Variants in CA8 observed in about 807,000 individuals in gnomAD.
CA8 encodes carbonic anhydrase-related protein.
A neutral mutation model predicts 41.4 loss-of-function variants in CA8; 22 were observed. The observed-to-expected ratio is 0.53, with a 90% CI of 0.38 to 0.76. The LOEUF is 0.76. CA8 is among the 30% of genes least tolerant of loss of function. The pLI, the probability that CA8 is intolerant of heterozygous loss-of-function variation, is 0.00. For missense variants in CA8, 270 were observed against 352.8 expected, an observed-to-expected ratio of 0.77 and a Z score of 1.88; for synonymous variants, 121 against 130.6, an observed-to-expected ratio of 0.93 and a Z score of 0.50.
intron 8 of CA8, among the ~76,000 whole-genome samples, chr8:60,193,922 G>A (rs763212138): frequency 3.9e-5 from 6 of 152,256 alleles, no homozygotes; most frequent in African/African-American, 9.6e-5. Context: ...TTACGTGGAC[G>A]ATAGACCTCT....
At chr8:60,261,643 T>G (rs1585919119) in intron 3 of CA8, among the ~76,000 whole-genome samples, 1 of 152,336 alleles carries the variant, frequency 6.6e-6, no homozygotes, top group East Asian at 1.9e-4. Context: ...CTTCCTACAT[T>G]TGGCTATTAA....
chr8:60,275,399 A>T (rs1161347254), intron 2 of CA8, among the ~76,000 whole-genome samples: 1 of 152,204 alleles, frequency 6.6e-6, no homozygotes, highest in Non-Finnish European at 1.5e-5. Flanking sequence ...ATAGAAAAGA[A>T]GCAATATAGA....
intron 8 of CA8, among the ~76,000 whole-genome samples, chr8:60,203,109 G>T (rs552679690): frequency 6.6e-6 from 1 of 152,256 alleles, no homozygotes; most frequent in Non-Finnish European, 1.5e-5. Context: ...TTGGGAAAAA[G>T]ACTTCATGGA....
intron 5 of CA8, among the ~76,000 whole-genome samples, chr8:60,225,995 T>C (rs948317198): frequency 3.3e-5 from 5 of 152,176 alleles, no homozygotes; most frequent in Non-Finnish European, 7.4e-5. Context: ...GGTGGTGGCA[T>C]TGGCTTCCTA....
At chr8:60,245,726 G>T (rs377189373) in intron 3 of CA8, among the ~76,000 whole-genome samples, 1 of 152,254 alleles carries the variant, frequency 6.6e-6, no homozygotes, top group South Asian at 2.1e-4. Context: ...CTTTGATTGA[G>T]GTGGAACTTG....
At chr8:60,279,238 G>A (rs1804333136) in intron 2 of CA8, among the ~76,000 whole-genome samples, 1 of 152,216 alleles carries the variant, frequency 6.6e-6, no homozygotes, top group Non-Finnish European at 1.5e-5. Flanking sequence ...AACTAATACA[G>A]TAGAGAAAAT....
chr8:60,227,823 T>G (rs1005524584), intron 4 of CA8, among the ~76,000 whole-genome samples: 2 of 152,196 alleles, frequency 1.3e-5, no homozygotes, highest in African/African-American at 4.8e-5. Context: ...TCACTATATA[T>G]TATTAGTGTA....
chr8:60,243,775 C>A (rs1277452507), intron 3 of CA8, among the ~76,000 whole-genome samples: 1 of 152,192 alleles, frequency 6.6e-6, no homozygotes, highest in East Asian at 1.9e-4. Flanking sequence ...GTGCCACACT[C>A]TCCTGGTCTC....
chr8:60,265,869 C>T (rs1803885515), intron 3 of CA8, 56 bp downstream of exon 3: 2 of 1,555,734 alleles, frequency 1.3e-6, no homozygotes, highest in Non-Finnish European at 8.9e-7. Flanking sequence ...TTCAGTAAAT[C>T]GCTGAATACT....
intron 7 of CA8, 30 bp downstream of exon 7, chr8:60,222,619 A>G (rs1807290003): frequency 7.5e-7 from 1 of 1,331,858 alleles, no homozygotes; most frequent in African/African-American, 1.4e-5. Context: ...TCAGAACTTC[A>G]CTCTGAAAGA....
rs749721295 is a variant in CA8, at chr8:60,232,276, C to T, written c.513+8G>A. ...TAAACAATACGATAATCACAGCAGA[C>T]CGTTTACCTGAACAAACAGAGCAAT... On this transcript the variant is annotated splice_region_variant and intron_variant, in intron 4 of 8. Coordinates refer to ENST00000317995, the MANE Select transcript of CA8 (RefSeq NM_004056.6). 6.2e-7 allele frequency: 1 copy of T among 1,600,672 alleles called. No homozygotes were observed. The highest frequency in any genetic ancestry group is 1.7e-5 in the Admixed American group (1 of 60,000).
intron 8 of CA8, among the ~76,000 whole-genome samples, chr8:60,200,336 T>C (rs1356815545): frequency 1.3e-5 from 2 of 152,252 alleles, no homozygotes; most frequent in African/African-American, 4.8e-5. Context: ...TTTCCCTTCT[T>C]CGGGAGATGG....
chr8:60,188,034 G>C lies in CA8; in HGVS notation c.*1987C>G, dbSNP rs561764155. 1.6e-4 allele frequency: 25 copies of C among 152,226 alleles called. No individual in the cohort carries two copies. Among genetic ancestry groups the C allele is most frequent in the Non-Finnish European group, 2.9e-4 (20 of 68,030 alleles). 9.4% of individuals were successfully genotyped at this position (152,226 alleles called of 1,614,324 possible). On this transcript the variant is annotated 3_prime_UTR_variant, in exon 9 of 9. Coordinates refer to ENST00000317995, the MANE Select transcript of CA8 (RefSeq NM_004056.6). ...GAGGTAACTAACTGTGGAATTAAAG[G>C]ATTTTCCATATAAAGAATATTATGC... is the stretch of plus-strand genomic sequence containing the variant.
At chr8:60,277,780 A>G (rs1003895106) in intron 2 of CA8, among the ~76,000 whole-genome samples, 4 of 152,248 alleles carry the variant, frequency 2.6e-5, no homozygotes, top group Non-Finnish European at 5.9e-5. Flanking sequence ...AGGGGAAAAA[A>G]CAACTACTCA....
intron 5 of CA8, among the ~76,000 whole-genome samples, chr8:60,226,474 A>T (rs73243994): frequency 6.6e-6 from 1 of 152,152 alleles, no homozygotes; most frequent in Non-Finnish European, 1.5e-5. Flanking sequence ...GCTGCTAGAG[A>T]GTGAGTAGCT....
chr8:60,261,268 C>T (rs964441999), intron 3 of CA8, among the ~76,000 whole-genome samples: 5 of 152,086 alleles, frequency 3.3e-5, no homozygotes, highest in African/African-American at 4.8e-5. Flanking sequence ...TTCTATTTAC[C>T]TAATGCACCC....
intron 8 of CA8, among the ~76,000 whole-genome samples, chr8:60,192,801 T>G (rs1321098582): frequency 6.6e-6 from 1 of 152,168 alleles, no homozygotes; most frequent in African/African-American, 2.4e-5. Flanking sequence ...CCTTAACTCT[T>G]TTAGCTGATT....
At chr8:60,215,328 G>A (rs904591054) in intron 7 of CA8, among the ~76,000 whole-genome samples, 2 of 148,768 alleles carry the variant, frequency 1.3e-5, no homozygotes, top group African/African-American at 4.9e-5. Context: ...TCAATGAGTG[G>A]ATAAAAACAC....
At chr8:60,259,703 G>C (rs986855022) in intron 3 of CA8, among the ~76,000 whole-genome samples, 2 of 150,924 alleles carry the variant, frequency 1.3e-5, no homozygotes, top group African/African-American at 4.9e-5. Flanking sequence ...AAAAATGCAA[G>C]TGTTCATTAG....
Sources: gnomAD v4.1 joint callset for allele counts (sites outside exome capture counted in the v4.1 genomes callset) on GRCh38, gnomAD v4.1.1 for gene constraint, MANE v1.5 for transcripts, NCBI Gene and HGNC (gene_info 2026-07-23, HGNC 2026-07-21) for gene names.